Variants in LRRIQ1 observed in about 807,000 individuals in gnomAD.
The protein encoded by LRRIQ1 is leucine-rich repeat- and IQ domain-containing protein 1.
Under a neutral mutation model 211.9 loss-of-function variants are expected in LRRIQ1, and 210 were observed. The observed-to-expected ratio is 0.99, with a 90% CI of 0.89 to 1.11. The LOEUF (loss-of-function observed/expected upper bound fraction) is 1.11. Among genes scored for constraint, LRRIQ1 ranks in the 50% most tolerant of loss-of-function variants. LRRIQ1 has a pLI of 0.00. For missense variants in LRRIQ1, 2,136 were observed against 1,939.5 expected, an observed-to-expected ratio of 1.10 and a Z score of -1.90; for synonymous variants, 699 against 650.1, an observed-to-expected ratio of 1.08 and a Z score of -1.14.
chr12:85,175,156 T>C (rs1891629387), intron 24 of LRRIQ1, among the ~76,000 whole-genome samples: 1 of 152,144 alleles, frequency 6.6e-6, no homozygotes, highest in Admixed American at 6.6e-5. Flanking sequence ...CCTTGCAATC[T>C]TGCTCAGAAA....
chr12:85,186,507 G>T (rs565262209), intron 24 of LRRIQ1, among the ~76,000 whole-genome samples: 2 of 152,184 alleles, frequency 1.3e-5, no homozygotes, highest in East Asian at 1.9e-4. Context: ...AGCCAGGAAG[G>T]TTGGTCTGCC....
chr12:85,126,861 A>T (rs901672367), intron 17 of LRRIQ1, among the ~76,000 whole-genome samples: 1 of 152,154 alleles, frequency 6.6e-6, no homozygotes, highest in Non-Finnish European at 1.5e-5. Flanking sequence ...TATCTAGTAG[A>T]GTTTATCACT....
chr12:85,097,304 C>G (rs1212483547), intron 11 of LRRIQ1, among the ~76,000 whole-genome samples: 2 of 152,088 alleles, frequency 1.3e-5, no homozygotes, highest in Admixed American at 6.6e-5. Context: ...GGAAACAAAG[C>G]ACCTTCTTCA....
chr12:85,200,279 G>C (rs893399258), intron 24 of LRRIQ1, among the ~76,000 whole-genome samples: 3 of 152,022 alleles, frequency 2.0e-5, no homozygotes, highest in Non-Finnish European at 4.4e-5. Flanking sequence ...GGATGTTGTT[G>C]GTCTTTAGGA....
chr12:85,222,183 A>G (rs550493824), intron 24 of LRRIQ1, among the ~76,000 whole-genome samples: 43 of 152,190 alleles, frequency 2.8e-4, no homozygotes, highest in Non-Finnish European at 5.1e-4. Context: ...TGCTTGAAGT[A>G]TCTGTTGGAT....
chr12:85,248,051 T>C (rs1314862595), downstream of LRRIQ1, among the ~76,000 whole-genome samples: 2 of 151,680 alleles, frequency 1.3e-5, no homozygotes, highest in African/African-American at 4.8e-5. Flanking sequence ...CTCATTTATA[T>C]AATATTTAGT....
At chr12:85,254,845 A>C (rs959227047) in intron 1 of LRRIQ1, among the ~76,000 whole-genome samples, 1 of 152,056 alleles carries the variant, frequency 6.6e-6, no homozygotes, top group African/African-American at 2.4e-5. Context: ...TATTCTTTGA[A>C]TAACTCCAGA....
Position 85,144,297 on chromosome 12 carries a change from G to A in LRRIQ1, c.4329+6328G>A, listed in dbSNP as rs1422635305. ...TTCTAGGCATTGTTCTTACCACAGT[G>A]AAGAAAAGAGATAAGATCCCTGACT... On this transcript the variant is annotated intron_variant, in intron 19 of 26. Transcript: ENST00000393217. Among the ~76,000 whole-genome samples the A allele has an allele frequency of 3.3e-5, 5 of 151,574 alleles. No individual in the cohort carries two copies. The East Asian group carries it at 7.8e-4, about 24-fold the overall frequency.
chr12:85,238,847 G>C (rs1278384273), intron 26 of LRRIQ1, among the ~76,000 whole-genome samples: 1 of 151,996 alleles, frequency 6.6e-6, no homozygotes, highest in African/African-American at 2.4e-5. Flanking sequence ...TTTCACAGAT[G>C]ACATCTTCTT....
chr12:85,253,713 GAC>G (rs1228147198), intron 1 of LRRIQ1, among the ~76,000 whole-genome samples: 17 of 151,688 alleles, frequency 1.1e-4, no homozygotes, highest in Admixed American at 2.6e-4. Flanking sequence ...AACACAAATG[GAC>G]ACACACACAC....
chr12:85,265,340 A>G (rs1167167696), downstream of LRRIQ1, among the ~76,000 whole-genome samples: 11 of 152,198 alleles, frequency 7.2e-5, no homozygotes, highest in East Asian at 1.9e-3. Flanking sequence ...CACTGAGAGC[A>G]AAATGAGTTA....
chr12:85,234,527 G>A lies in LRRIQ1; in HGVS notation c.5016+1771G>A, dbSNP rs115081237. ...TTTAATTGAGTGGATGCAGGGAAAG[G>A]CATCAGTGGCTTTTATCAAAAGGAT... is the stretch of plus-strand genomic sequence containing the variant. On this transcript the variant is annotated intron_variant, in intron 26 of 26. Coordinates refer to ENST00000393217, the MANE Select transcript of LRRIQ1 (RefSeq NM_001079910.2). Among the ~76,000 whole-genome samples the A allele has an allele frequency of 7.4e-3, 1,120 of 152,146 alleles. 19 individuals carry two copies. The highest frequency in any genetic ancestry group is 0.026 in the African/African-American group (1,061 of 41,486).
chr12:85,266,082 T>A (rs545067957), downstream of LRRIQ1, among the ~76,000 whole-genome samples: 2 of 152,214 alleles, frequency 1.3e-5, no homozygotes, highest in East Asian at 3.9e-4. Flanking sequence ...AACCCTTGAT[T>A]TCCTGTACTT....
chr12:85,224,624 T>C (rs1022117973), intron 24 of LRRIQ1, among the ~76,000 whole-genome samples: 10 of 148,886 alleles, frequency 6.7e-5, no homozygotes, highest in Non-Finnish European at 1.2e-4. Flanking sequence ...CTCAGCAAGA[T>C]AACACAGGAA....
At chr12:85,166,347 G>A (rs1429391283) in intron 24 of LRRIQ1, among the ~76,000 whole-genome samples, 4 of 152,124 alleles carry the variant, frequency 2.6e-5, no homozygotes, top group Non-Finnish European at 5.9e-5. Flanking sequence ...TTCCCAGTCT[G>A]CTGCTGTCAT....
chr12:85,175,542 C>G (rs1403012020), intron 24 of LRRIQ1, among the ~76,000 whole-genome samples: 4 of 152,110 alleles, frequency 2.6e-5, no homozygotes, highest in Admixed American at 2.6e-4. Context: ...TGGCTTCGTT[C>G]AGGGGTTTTA....
intron 11 of LRRIQ1, among the ~76,000 whole-genome samples, chr12:85,092,615 A>G (rs1885508976): frequency 6.6e-6 from 1 of 152,200 alleles, no homozygotes; most frequent in Non-Finnish European, 1.5e-5. Context: ...AATGATTCAC[A>G]TTCTCCAAGT....
chr12:85,168,915 G>T (rs1421002641), intron 24 of LRRIQ1, among the ~76,000 whole-genome samples: 1 of 152,058 alleles, frequency 6.6e-6, no homozygotes, highest in Admixed American at 6.6e-5. Context: ...TTGGTCAGAG[G>T]CAATACTGTG....
chr12:85,136,747 T>C (rs1279252358), intron 18 of LRRIQ1, among the ~76,000 whole-genome samples: 1 of 151,890 alleles, frequency 6.6e-6, no homozygotes, highest in Admixed American at 6.6e-5. Context: ...ACTAACAATA[T>C]GATTACTGAA....
Sources: gnomAD v4.1 joint callset for allele counts (sites outside exome capture counted in the v4.1 genomes callset) on GRCh38, gnomAD v4.1.1 for gene constraint, MANE v1.5 for transcripts, NCBI Gene and HGNC (gene_info 2026-07-23, HGNC 2026-07-21) for gene names.